OXR1: variants seen among roughly 807,000 people sequenced by gnomAD.
The protein encoded by OXR1 is oxidation resistance protein 1.
In OXR1, 41 loss-of-function variants were observed where a neutral mutation model predicts 104.6. That is an observed-to-expected ratio of 0.39 (90% CI 0.31 to 0.51). OXR1 has a LOEUF of 0.51. Ranked by LOEUF, OXR1 falls within the 20% of genes least tolerant of loss-of-function variation. The pLI is 0.77. For synonymous variants in OXR1, 348 were observed against 348.4 expected (o/e 1.00, Z 0.01); for missense variants, 955 against 1,031.9 (o/e 0.93, Z 1.02).
chr8:106,699,491 A>G (rs1263004194), intron 7 of OXR1, among the ~76,000 whole-genome samples: 2 of 152,186 alleles, frequency 1.3e-5, no homozygotes, highest in African/African-American at 2.4e-5. Context: ...TTATTCAGGT[A>G]TCATTGCCTA....
At chr8:106,468,303 AT>A (rs1821289646) in intron 2 of OXR1, among the ~76,000 whole-genome samples, 1 of 151,844 alleles carries the variant, frequency 6.6e-6, no homozygotes, top group Non-Finnish European at 1.5e-5. Flanking sequence ...AAACTAAACA[AT>A]TTTTGAGTTT....
intron 11 of OXR1, among the ~76,000 whole-genome samples, chr8:106,724,966 T>TCCA (rs960787141): frequency 1.1e-4 from 16 of 152,116 alleles, no homozygotes; most frequent in African/African-American, 2.4e-5. Context: ...AAATGCTGCT[T>TCCA]CCACCACCAC....
intron 3 of OXR1, among the ~76,000 whole-genome samples, chr8:106,566,977 C>T (rs1817123978): frequency 1.3e-5 from 2 of 151,766 alleles, no homozygotes; most frequent in Non-Finnish European, 2.9e-5. Context: ...GGTTGGAGGG[C>T]AAGGGGAGGG....
intron 3 of OXR1, among the ~76,000 whole-genome samples, chr8:106,549,686 C>T (rs1586795212): frequency 6.6e-6 from 1 of 152,250 alleles, no homozygotes; most frequent in East Asian, 1.9e-4. Context: ...AGGGCTGCTT[C>T]CTGATTCATA....
chr8:106,415,341 C>G (rs1411611880), intron 2 of OXR1, among the ~76,000 whole-genome samples: 1 of 152,070 alleles, frequency 6.6e-6, no homozygotes, highest in Non-Finnish European at 1.5e-5. Flanking sequence ...GGGAAGTCAT[C>G]ATTATGTTTT....
intron 12 of OXR1, among the ~76,000 whole-genome samples, chr8:106,738,188 A>G (rs1834577500): frequency 6.6e-6 from 1 of 152,236 alleles, no homozygotes; most frequent in South Asian, 2.1e-4. Flanking sequence ...AATGTAATTG[A>G]AAACTCATTT....
intron 3 of OXR1, among the ~76,000 whole-genome samples, chr8:106,660,862 A>C (rs533452089): frequency 6.6e-6 from 1 of 152,008 alleles, no homozygotes; most frequent in Non-Finnish European, 1.5e-5. Flanking sequence ...AAAATACAAA[A>C]ATTAGCTGGG....
At chr8:106,508,253 GAAAGA>G (rs1812297289) in intron 2 of OXR1, among the ~76,000 whole-genome samples, 1 of 152,198 alleles carries the variant, frequency 6.6e-6, no homozygotes, top group Non-Finnish European at 1.5e-5. Flanking sequence ...TTCTGTAATA[GAAAGA>G]AAAGTTTTAA....
At chr8:106,645,155 A>G (rs1823970904) in intron 3 of OXR1, among the ~76,000 whole-genome samples, 1 of 152,216 alleles carries the variant, frequency 6.6e-6, no homozygotes, top group South Asian at 2.1e-4. Flanking sequence ...CATATCATGC[A>G]GTGTGTTAGC....
intron 2 of OXR1, among the ~76,000 whole-genome samples, chr8:106,383,045 C>T (rs1305954705): frequency 6.6e-6 from 1 of 151,208 alleles, no homozygotes; most frequent in Non-Finnish European, 1.5e-5. Context: ...AGTGGGGAGA[C>T]TTGAAGAATA....
At chr8:106,598,349 C>T (rs1819684296) in intron 3 of OXR1, among the ~76,000 whole-genome samples, 1 of 152,174 alleles carries the variant, frequency 6.6e-6, no homozygotes, top group South Asian at 2.1e-4. Flanking sequence ...TTCAGTTTTT[C>T]CTGCCAGGTG....
intron 3 of OXR1, among the ~76,000 whole-genome samples, chr8:106,623,645 G>C (rs1423215254): frequency 6.6e-6 from 1 of 152,168 alleles, no homozygotes; most frequent in Admixed American, 6.6e-5. Flanking sequence ...AGGGATTGAA[G>C]AACTGGAGAC....
At position 106,382,627 on chromosome 8, in the gene OXR1, C is replaced by T. The variant is rs141141880; in HGVS notation, c.23+22991C>T. 6.6e-5 allele frequency among the ~76,000 whole-genome samples: 10 copies of T among 150,566 alleles called. 1 individual carries two copies. In the East Asian group the frequency reaches 1.2e-3, roughly 18 times the overall value. On this transcript the variant is annotated intron_variant, in intron 2 of 16. Coordinates refer to ENST00000517566, the MANE Select transcript of OXR1 (RefSeq NM_001198533.2). ...ACAGCCCAGCTCTGCTAGAGGGTCC[C>T]GGCAATCCGGTATTTTCTTTTCTAA...
chr8:106,650,702 A>G (rs1391917094), intron 3 of OXR1, among the ~76,000 whole-genome samples: 1 of 152,206 alleles, frequency 6.6e-6, no homozygotes, highest in Non-Finnish European at 1.5e-5. Flanking sequence ...TCAGAAAGCA[A>G]CCACCATTAC....
chr8:106,434,303 C>A (rs996767161), intron 2 of OXR1, among the ~76,000 whole-genome samples: 2 of 152,154 alleles, frequency 1.3e-5, no homozygotes, highest in African/African-American at 4.8e-5. Context: ...ATAGAGAAAC[C>A]TTTCAGAGAG....
At chr8:106,465,002 A>G (rs1173972778) in intron 2 of OXR1, among the ~76,000 whole-genome samples, 1 of 152,022 alleles carries the variant, frequency 6.6e-6, no homozygotes, top group African/African-American at 2.4e-5. Flanking sequence ...CCCTCATTCC[A>G]GGAGGAAAGG....
intron 3 of OXR1, among the ~76,000 whole-genome samples, chr8:106,637,436 G>A (rs528355118): frequency 6.6e-6 from 1 of 152,092 alleles, no homozygotes; most frequent in Non-Finnish European, 1.5e-5. Flanking sequence ...AGATGAACAC[G>A]TGTTAAATAT....
chr8:106,491,668 A>G (rs910547503), intron 2 of OXR1, among the ~76,000 whole-genome samples: 5 of 152,292 alleles, frequency 3.3e-5, no homozygotes, highest in African/African-American at 4.8e-5. Context: ...CTGCCGGGTG[A>G]GGACCAGCAA....
chr8:106,321,435 TAGGAGACA>T (rs1218086071), intron 1 of OXR1, among the ~76,000 whole-genome samples: 1 of 152,020 alleles, frequency 6.6e-6, no homozygotes, highest in Admixed American at 6.6e-5. Flanking sequence ...CAGGGACAGA[TAGGAGACA>T]GAAGTCAGAG....
Sources: gnomAD v4.1 joint callset for allele counts (sites outside exome capture counted in the v4.1 genomes callset) on GRCh38, gnomAD v4.1.1 for gene constraint, MANE v1.5 for transcripts, NCBI Gene and HGNC (gene_info 2026-07-23, HGNC 2026-07-21) for gene names.